EPHA6: variants seen among roughly 807,000 people sequenced by gnomAD.
EPHA6 encodes ephrin type-A receptor 6.
Under a neutral mutation model 112.0 loss-of-function variants are expected in EPHA6, and 50 were observed. The observed-to-expected ratio is 0.45, with a 90% CI of 0.36 to 0.56. The LOEUF is 0.56. EPHA6 is among the 20% of genes least tolerant of loss of function. EPHA6 has a pLI of 0.00. For synonymous variants in EPHA6, 529 were observed against 490.7 expected, an observed-to-expected ratio of 1.08 and a Z score of -1.03; for missense variants, 1,280 against 1,417.4, an observed-to-expected ratio of 0.90 and a Z score of 1.56.
chr3:97,473,882 T>C (rs2107455324), intron 7 of EPHA6, among the ~76,000 whole-genome samples: 1 of 152,024 alleles, frequency 6.6e-6, no homozygotes, highest in African/African-American at 2.4e-5. Flanking sequence ...AAACTTAACA[T>C]TGTAGTACAT....
At chr3:97,453,820 C>T (rs1231739045) in intron 7 of EPHA6, among the ~76,000 whole-genome samples, 1 of 151,570 alleles carries the variant, frequency 6.6e-6, no homozygotes, top group Non-Finnish European at 1.5e-5. Flanking sequence ...AAATAAGATG[C>T]AAGATTATGT....
At chr3:97,060,804 G>T (rs1576413501) in intron 3 of EPHA6, among the ~76,000 whole-genome samples, 1 of 150,926 alleles carries the variant, frequency 6.6e-6, no homozygotes, top group African/African-American at 2.4e-5. Context: ...GGCGCCTGTA[G>T]TCCCAGCTAC....
intron 5 of EPHA6, among the ~76,000 whole-genome samples, chr3:97,282,896 T>C (rs895449351): frequency 6.6e-6 from 1 of 152,136 alleles, no homozygotes; most frequent in African/African-American, 2.4e-5. Flanking sequence ...GCTTAATATC[T>C]AGGTGATAGG....
At chr3:97,263,121 T>C (rs2079554658) in intron 5 of EPHA6, among the ~76,000 whole-genome samples, 1 of 152,176 alleles carries the variant, frequency 6.6e-6, no homozygotes, top group African/African-American at 2.4e-5. Flanking sequence ...TGTATAAAAG[T>C]TGATGTTAAC....
intron 16 of EPHA6, among the ~76,000 whole-genome samples, chr3:97,738,448 A>C (rs1403264001): frequency 1.3e-5 from 2 of 152,016 alleles, no homozygotes; most frequent in Non-Finnish European, 2.9e-5. Flanking sequence ...GGATGTAAAA[A>C]CCTTCTTTTT....
intron 3 of EPHA6, among the ~76,000 whole-genome samples, chr3:97,034,916 A>T (rs1576363458): frequency 6.6e-6 from 1 of 151,976 alleles, no homozygotes; most frequent in South Asian, 2.1e-4. Flanking sequence ...CTTTATCATT[A>T]TACTGTTTGG....
At chr3:96,905,966 T>C (rs983032581) in intron 2 of EPHA6, among the ~76,000 whole-genome samples, 6 of 152,098 alleles carry the variant, frequency 3.9e-5, no homozygotes, top group African/African-American at 1.4e-4. Context: ...TACTCATGTA[T>C]ATGGATTTGT....
At chr3:97,622,767 TTGTTTGTTTTA>T (rs2093824063) in intron 13 of EPHA6, among the ~76,000 whole-genome samples, 1 of 151,850 alleles carries the variant, frequency 6.6e-6, no homozygotes. Flanking sequence ...TCTGATGTTT[TTGTTTGTTTTA>T]TGTTTGTTGT....
intron 9 of EPHA6, among the ~76,000 whole-genome samples, chr3:97,483,600 C>T (rs1030239910): frequency 1.3e-5 from 2 of 152,172 alleles, no homozygotes; most frequent in Admixed American, 1.3e-4. Context: ...TCATTTTCCC[C>T]ATTCCCCAAG....
chr3:97,330,606 C>A (rs1002664423), intron 5 of EPHA6, among the ~76,000 whole-genome samples: 2 of 151,588 alleles, frequency 1.3e-5, no homozygotes, highest in Admixed American at 1.3e-4. Context: ...CTAGTCTCTG[C>A]TAAAACAGAC....
chr3:97,133,708 TTGTAACTTGTATTAAAA>T (rs1306370765), intron 3 of EPHA6, among the ~76,000 whole-genome samples: 1 of 152,034 alleles, frequency 6.6e-6, no homozygotes, highest in Admixed American at 6.6e-5. Context: ...GTGCTCCCTT[TTGTAACTTGTATTAAAA>T]TATTTGTGTT....
intron 13 of EPHA6, among the ~76,000 whole-genome samples, chr3:97,637,143 G>A (rs1203967854): frequency 6.6e-6 from 1 of 152,072 alleles, no homozygotes; most frequent in African/African-American, 2.4e-5. Flanking sequence ...GGAATAAGAT[G>A]GGATTGATTA....
At chr3:97,186,545 T>C (rs2077143728) in intron 3 of EPHA6, among the ~76,000 whole-genome samples, 1 of 152,130 alleles carries the variant, frequency 6.6e-6, no homozygotes, top group Non-Finnish European at 1.5e-5. Flanking sequence ...CTTTGTCCAA[T>C]GAAAAGGATT....
rs560635309 is a variant in EPHA6 at position 97,500,293 on chromosome 3, TA to T, written c.2200+16241del. 6.6e-3 allele frequency among the ~76,000 whole-genome samples: 996 copies of T among 151,500 alleles called. 12 individuals carry two copies. Among genetic ancestry groups the T allele is most frequent in the African/African-American group, 0.022 (909 of 41,252 alleles). ...AGACTGGATAATTTTATTTTTTTTT[TA>T]AAAAAAGAGGTTTAATTGGGTTAAA... On this transcript the variant is annotated intron_variant, in intron 10 of 17. Coordinates refer to ENST00000389672, the MANE Select transcript of EPHA6 (RefSeq NM_001080448.3).
intron 5 of EPHA6, among the ~76,000 whole-genome samples, chr3:97,404,414 A>T (rs1249555666): frequency 6.6e-6 from 1 of 152,136 alleles, no homozygotes; most frequent in Non-Finnish European, 1.5e-5. Flanking sequence ...GTTGACTTTT[A>T]TGTCAAAAAC....
At chr3:97,070,320 A>G (rs1209138734) in intron 3 of EPHA6, among the ~76,000 whole-genome samples, 2 of 152,300 alleles carry the variant, frequency 1.3e-5, no homozygotes, top group East Asian at 1.9e-4. Context: ...AATGACCAAA[A>G]TAAAATAACA....
At chr3:96,831,361 C>T (rs1273725626) in intron 1 of EPHA6, among the ~76,000 whole-genome samples, 1 of 152,096 alleles carries the variant, frequency 6.6e-6, no homozygotes, top group Non-Finnish European at 1.5e-5. Context: ...CCCTGATCCT[C>T]CTCCACGTGG....
intron 1 of EPHA6, among the ~76,000 whole-genome samples, chr3:96,852,615 A>G (rs1284084002): frequency 6.6e-6 from 1 of 151,918 alleles, no homozygotes; most frequent in African/African-American, 2.4e-5. Context: ...AAAAAAAAAA[A>G]AAAAAACTTC....
At chr3:96,981,707 T>A (rs1204712062) in intron 2 of EPHA6, among the ~76,000 whole-genome samples, 1 of 152,118 alleles carries the variant, frequency 6.6e-6, no homozygotes. Flanking sequence ...TTTCCTAGGC[T>A]ATTAATTATT....
Sources: gnomAD v4.1 joint callset for allele counts (sites outside exome capture counted in the v4.1 genomes callset) on GRCh38, gnomAD v4.1.1 for gene constraint, MANE v1.5 for transcripts, NCBI Gene and HGNC (gene_info 2026-07-23, HGNC 2026-07-21) for gene names.